ALK: variants seen among roughly 807,000 people sequenced by gnomAD.
ALK encodes the protein ALK tyrosine kinase receptor.
A neutral mutation model predicts 163.1 loss-of-function variants in ALK; 74 were observed. The observed-to-expected ratio is 0.45, with a 90% CI of 0.38 to 0.55. The LOEUF is 0.55. Among genes scored for constraint, ALK ranks in the 20% least tolerant of loss-of-function variants. The pLI is 0.00. For missense variants in ALK, 2,063 were observed against 2,105.3 expected (o/e 0.98, Z 0.39); for synonymous variants, 960 against 843.2 (o/e 1.14, Z -2.40).
At position 29,717,710 on chromosome 2, in the gene ALK, A is replaced by G. The variant is rs1158740527; in HGVS notation, c.668-13T>C. On this transcript the variant is annotated splice_polypyrimidine_tract_variant and intron_variant, in intron 1 of 28. Coordinates refer to ENST00000389048, the MANE Select transcript of ALK (RefSeq NM_004304.5). The stretch of plus-strand genomic sequence containing the variant: ...AAGGAGCTATGACCTGGACATAAAA[A>G]TAAAGAAAACACTGATCCATGTGCT... The G allele has an allele frequency of 1.9e-6, 3 of 1,614,006 alleles. No homozygotes were observed. The highest frequency in any genetic ancestry group is 2.5e-6 in the Non-Finnish European group (3 of 1,179,996).
chr2:29,710,265 G>C (rs1319866342), intron 2 of ALK, among the ~76,000 whole-genome samples: 10 of 152,180 alleles, frequency 6.6e-5, no homozygotes, highest in Non-Finnish European at 1.0e-4. Flanking sequence ...GGAACTGTGA[G>C]TCAATTGAAC....
chr2:29,213,969 G>C lies in ALK; in HGVS notation c.3743+15C>G, dbSNP rs1295548316. 1.9e-6 allele frequency: 3 copies of C among 1,607,374 alleles called. No homozygotes were observed. The highest frequency in any genetic ancestry group is 2.6e-6 in the Non-Finnish European group (3 of 1,173,846). On this transcript the variant is annotated intron_variant, in intron 24 of 28. Coordinates refer to ENST00000389048, the MANE Select transcript of ALK (RefSeq NM_004304.5). ...GCGACAGGATGACAGGAAGAGCACA[G>C]TCACTTTGACTCACCGGTGGATGAA...
At chr2:29,195,515 T>C (rs897734542) in intron 28 of ALK, among the ~76,000 whole-genome samples, 1 of 152,062 alleles carries the variant, frequency 6.6e-6, no homozygotes. Context: ...GGTGGATCAC[T>C]TGAGGTCAGG....
intron 1 of ALK, among the ~76,000 whole-genome samples, chr2:29,726,113 G>GA (rs1679566939): frequency 6.6e-6 from 1 of 152,080 alleles, no homozygotes. Flanking sequence ...ACTAATCCAA[G>GA]ACAGCAAATA....
intron 1 of ALK, among the ~76,000 whole-genome samples, chr2:29,900,955 G>A (rs1280277373): frequency 1.3e-5 from 2 of 151,612 alleles, no homozygotes; most frequent in Non-Finnish European, 2.9e-5. Context: ...GAAAATCACA[G>A]CTGAATGTCT....
intron 1 of ALK, among the ~76,000 whole-genome samples, chr2:29,794,255 C>T (rs1451972930): frequency 6.6e-6 from 1 of 152,152 alleles, no homozygotes; most frequent in African/African-American, 2.4e-5. Flanking sequence ...TTCTCCACCT[C>T]TTTTGGCCTT....
chr2:29,383,209 G>T (rs1481539103), intron 5 of ALK, among the ~76,000 whole-genome samples: 1 of 151,674 alleles, frequency 6.6e-6, no homozygotes, highest in African/African-American at 2.4e-5. Context: ...TCCCTTCTAT[G>T]TGCCTATGTG....
intron 1 of ALK, among the ~76,000 whole-genome samples, chr2:29,815,629 T>G (rs1230395258): frequency 1.3e-5 from 2 of 152,162 alleles, no homozygotes; most frequent in Non-Finnish European, 2.9e-5. Context: ...AATCAACTGT[T>G]TTAATGAATA....
chr2:29,657,310 A>G (rs1052361041), intron 3 of ALK, among the ~76,000 whole-genome samples: 2 of 152,158 alleles, frequency 1.3e-5, no homozygotes, highest in African/African-American at 4.8e-5. Context: ...CCTGATCTTA[A>G]TACCATTTGT....
At chr2:29,364,965 T>A (rs141166902) in intron 5 of ALK, among the ~76,000 whole-genome samples, 1 of 152,192 alleles carries the variant, frequency 6.6e-6, no homozygotes, top group African/African-American at 2.4e-5. Context: ...GTGTGTTACA[T>A]AGGTTGTCTC....
intron 1 of ALK, among the ~76,000 whole-genome samples, chr2:29,840,611 T>C (rs182071883): frequency 1.4e-3 from 219 of 152,302 alleles, no homozygotes; most frequent in Admixed American, 3.7e-3. Flanking sequence ...TGTTTTCTGT[T>C]GAAAGATTAC....
At chr2:29,510,200 C>A (rs980912103) in intron 4 of ALK, among the ~76,000 whole-genome samples, 2 of 152,178 alleles carry the variant, frequency 1.3e-5, no homozygotes, top group African/African-American at 4.8e-5. Context: ...CAGGCAGTGA[C>A]ACAAAACCTG....
At chr2:29,857,062 C>A (rs183763094) in intron 1 of ALK, among the ~76,000 whole-genome samples, 1 of 152,086 alleles carries the variant, frequency 6.6e-6, no homozygotes, top group African/African-American at 2.4e-5. Context: ...CCGGAGGAGG[C>A]GAATGTGCAT....
chr2:29,464,114 C>A (rs1671150225), intron 4 of ALK, among the ~76,000 whole-genome samples: 1 of 152,106 alleles, frequency 6.6e-6, no homozygotes, highest in Non-Finnish European at 1.5e-5. Flanking sequence ...GGAATATTAG[C>A]AAAATTCAGC....
At position 29,823,589 on chromosome 2, in the gene ALK, A is replaced by G. The variant is rs541581493; in HGVS notation, c.667+96404T>C. Among the ~76,000 whole-genome samples the G allele has an allele frequency of 2.6e-4, 39 of 152,152 alleles. No individual in the cohort carries two copies. In the South Asian group the frequency reaches 8.1e-3, roughly 32 times the overall value. On this transcript the variant is annotated intron_variant, in intron 1 of 28. Coordinates refer to ENST00000389048, the MANE Select transcript of ALK (RefSeq NM_004304.5). Reference sequence around the variant, plus strand: ...CTTGTTGGGAACTGCAGCAAAGGTGACTCTTGTTATGTTTTAGCAAAGAGA... The same window carrying G: ...CTTGTTGGGAACTGCAGCAAAGGTGGCTCTTGTTATGTTTTAGCAAAGAGA...
intron 5 of ALK, among the ~76,000 whole-genome samples, chr2:29,334,138 C>G (rs1444616627): frequency 6.6e-6 from 1 of 152,160 alleles, no homozygotes; most frequent in Non-Finnish European, 1.5e-5. Context: ...TTCATGGATT[C>G]TCCCCTCCAT....
intron 4 of ALK, among the ~76,000 whole-genome samples, chr2:29,509,663 G>T (rs1047515887): frequency 6.6e-6 from 1 of 152,104 alleles, no homozygotes; most frequent in African/African-American, 2.4e-5. Flanking sequence ...AAGACACATA[G>T]TTGGAATCTA....
chr2:29,608,475 T>C (rs1415018421), intron 3 of ALK, among the ~76,000 whole-genome samples: 1 of 152,204 alleles, frequency 6.6e-6, no homozygotes, highest in Non-Finnish European at 1.5e-5. Flanking sequence ...GATTGTGTCT[T>C]CTTGTCCTAA....
intron 1 of ALK, among the ~76,000 whole-genome samples, chr2:29,868,432 C>A (rs558872189): frequency 1.3e-5 from 2 of 152,126 alleles, no homozygotes; most frequent in African/African-American, 4.8e-5. Flanking sequence ...ATAAACTGGA[C>A]AACTATATTG....
Sources: allele counts gnomAD v4.1 joint callset (sites outside exome capture counted in the v4.1 genomes callset), GRCh38; gene constraint gnomAD v4.1.1; transcripts MANE v1.5; gene names NCBI Gene and HGNC (gene_info 2026-07-23, HGNC 2026-07-21).